Variants in MAN1B1 observed in about 807,000 individuals in gnomAD.
MAN1B1 encodes the protein mannosidase alpha class 1B member 1.
A neutral mutation model predicts 75.5 loss-of-function variants in MAN1B1; 66 were observed. The ratio of observed to expected loss-of-function variants is 0.87; its 90% CI spans 0.72 to 1.07. The LOEUF (loss-of-function observed/expected upper bound fraction) is 1.07. Among genes scored for constraint, MAN1B1 ranks in the 50% least tolerant of loss-of-function variants. The pLI is 0.00. For synonymous variants in MAN1B1, 453 were observed against 382.8 expected (o/e 1.18, Z -2.14); for missense variants, 973 against 912.5 (o/e 1.07, Z -0.85).
chr9:137,106,830 T>G (rs1176924303), intron 10 of MAN1B1, 21 bp downstream of exon 10: 5 of 1,611,248 alleles, frequency 3.1e-6, no homozygotes, highest in Non-Finnish European at 4.2e-6. Flanking sequence ...CTGCGGGGCC[T>G]TCCGGCCGCC....
Position 137,087,174 on chromosome 9 carries a change from A to AGCT in MAN1B1, c.175_176insGCT (p.Asn59delinsSerTyr). The stretch of plus-strand genomic sequence containing the variant: ...CTCGGTGACGCTGAGCTTTGGCGAG[A>AGCT]ACTATGACAACAGCAAGAGTTGGCG... On this transcript the variant is annotated protein_altering_variant, in exon 1 of 13. Coordinates refer to ENST00000371589, the MANE Select transcript of MAN1B1 (RefSeq NM_016219.5). 6.3e-7 allele frequency: 1 copy of AGCT among 1,594,682 alleles called. No individual in the cohort carries two copies. The highest frequency in any genetic ancestry group is 8.5e-7 in the Non-Finnish European group (1 of 1,171,544).
chr9:137,104,185 C>T (rs1230277122), intron 8 of MAN1B1: 12 of 413,430 alleles, frequency 2.9e-5, no homozygotes, highest in East Asian at 7.1e-5. Flanking sequence ...CTTCCTGGAC[C>T]TCATTGTGTG....
Position 137,106,740 on chromosome 9 carries a change from G to C in MAN1B1, c.1497G>C (p.Leu499=), listed in dbSNP as rs1831123655. The C allele has an allele frequency of 1.9e-6, 3 of 1,613,532 alleles. No homozygotes were observed. The East Asian group carries it at 6.7e-5, about 36-fold the overall frequency. ...EAIEGVRTHL[L]RHSEPSKLTF... ...TCGAGGGTGTCAGAACGCACCTGCT[G>C]CGGCACTCCGAGCCCAGTAAGCTCA... Residue 499 remains leucine (L), a synonymous_variant, in exon 10 of 13, where the codon CTG becomes CTC. Coordinates refer to ENST00000371589, the MANE Select transcript of MAN1B1 (RefSeq NM_016219.5).
chr9:137,101,432 C>T (rs987426279), intron 7 of MAN1B1, 52 bp from the exon 8 acceptor site: 16 of 1,472,980 alleles, frequency 1.1e-5, no homozygotes, highest in African/African-American at 3.0e-5. Context: ...AGGGTGTAGA[C>T]GAGGCCTCTG....
At chr9:137,090,951 G>C (rs906334007) in intron 3 of MAN1B1, among the ~76,000 whole-genome samples, 27 of 152,196 alleles carry the variant, frequency 1.8e-4, no homozygotes, top group Admixed American at 6.5e-5. Flanking sequence ...TCCTTTCAAA[G>C]GCAGCATTCC....
At chr9:137,091,863 G>C (rs1361488776) in intron 3 of MAN1B1, among the ~76,000 whole-genome samples, 1 of 152,050 alleles carries the variant, frequency 6.6e-6, no homozygotes, top group Non-Finnish European at 1.5e-5. Context: ...TCACTATGTT[G>C]CCCAGACTGG....
At chr9:137,091,523 T>TA (rs1830514447) in intron 3 of MAN1B1, among the ~76,000 whole-genome samples, 5 of 57,200 alleles carry the variant, frequency 8.7e-5, no homozygotes, top group Admixed American at 8.3e-4. Flanking sequence ...TGTTTTATAT[T>TA]TTTTTTTTTT....
chr9:137,100,358 C>T (rs975580008), intron 6 of MAN1B1, among the ~76,000 whole-genome samples: 23 of 152,148 alleles, frequency 1.5e-4, no homozygotes, highest in African/African-American at 5.1e-4. Flanking sequence ...TTTTTTGGGT[C>T]GTAGCCTTTG....
intron 8 of MAN1B1, 191 bp from the exon 9 acceptor site, chr9:137,105,934 C>T (rs1564311289): frequency 1.4e-6 from 1 of 697,582 alleles, no homozygotes; most frequent in Non-Finnish European, 2.6e-6. Flanking sequence ...GCACTGGTGG[C>T]TGTGTGGCTG....
chr9:137,107,789 C>CACCCCGAG, intron 12 of MAN1B1, 127 bp downstream of exon 12: 1 of 1,423,246 alleles, frequency 7.0e-7, no homozygotes, highest in South Asian at 1.2e-5. Context: ...GCGGGCTTGC[C>CACCCCGAG]GCAGCCTCGG....
chr9:137,101,112 G>A lies in MAN1B1; in HGVS notation c.1024G>A (p.Ala342Thr). 2 of 1,614,144 alleles carry A rather than the reference G, an allele frequency of 1.2e-6. No individual in the cohort carries two copies. Among genetic ancestry groups the A allele is most frequent in the Admixed American group, 1.7e-5 (1 of 60,028 alleles). ...TIRILGGLLS[A>T]YHLSGDSLFL... ...CCGCATCCTGGGGGGGCTCCTGAGT[G>A]CCTACCACCTGTCTGGGGACAGCCT... is the stretch of plus-strand genomic sequence containing the variant. Residue 342 changes from alanine (A) to threonine (T), a missense_variant, in exon 7 of 13, where the codon GCC (alanine) becomes ACC (threonine). Transcript: ENST00000371589.
Position 137,096,361 on chromosome 9 carries a change from C to T in MAN1B1, c.590C>T (p.Pro197Leu), listed in dbSNP as rs61744585. 0.019 allele frequency: 31,415 copies of T among 1,613,756 alleles called. 1,145 individuals carry two copies. Among genetic ancestry groups the T allele is most frequent in the Admixed American group, 0.16 (9,502 of 59,960 alleles). Reference protein sequence around the residue: ...KRQEAPVDPRPEGDPQRTVIS... With the variant: ...KRQEAPVDPRLEGDPQRTVIS... The stretch of plus-strand genomic sequence containing the variant: ...CAAGAAGCCCCTGTGGATCCCCGCC[C>T]GGAAGGAGATCCGCAGAGGACAGTC... The change falls in exon 4 of 13, where the codon CCG (proline) becomes CTG (leucine). Residue 197 changes from proline (P) to leucine (L), a missense_variant. Physicochemically the swap from Pro to Leu is moderately conservative, Grantham distance 98 (BLOSUM62 -3). Transcript: ENST00000371589.
At chr9:137,104,528 C>T (rs745371263) in intron 8 of MAN1B1, 2 of 183,060 alleles carry the variant, frequency 1.1e-5, no homozygotes, top group East Asian at 2.6e-4. Context: ...CTACCACACC[C>T]GGCTGATTTA....
At chr9:137,087,888 C>T (rs1353880062) in intron 1 of MAN1B1, among the ~76,000 whole-genome samples, 187 bp from the exon 2 acceptor site, 3 of 152,116 alleles carry the variant, frequency 2.0e-5, no homozygotes, top group Admixed American at 2.0e-4. Flanking sequence ...TGGCTCATCC[C>T]GCGTTCCACC....
At chr9:137,092,354 T>G (rs1830538772) in intron 3 of MAN1B1, among the ~76,000 whole-genome samples, 1 of 150,864 alleles carries the variant, frequency 6.6e-6, no homozygotes, top group South Asian at 2.1e-4. Context: ...AAAATAATAA[T>G]AATAATTTTA....
Position 137,101,096 on chromosome 9 carries a change from G to C in MAN1B1, c.1008G>C (p.Leu336=), listed in dbSNP as rs749675839. 3 of 1,613,810 alleles carry C rather than the reference G, an allele frequency of 1.9e-6. No homozygotes were observed. The highest frequency in any genetic ancestry group is 1.7e-5 in the Admixed American group (1 of 59,998). ...VNLFESTIRI[L]GGLLSAYHLS... is the part of the protein sequence containing the mutation. ...TGTTTGAGAGCACGATCCGCATCCTGGGGGGGCTCCTGAGTGCCTACCACC... is the reference window on the plus strand; with the variant it reads ...TGTTTGAGAGCACGATCCGCATCCTCGGGGGGCTCCTGAGTGCCTACCACC... Residue 336 remains leucine (L), a synonymous_variant, in exon 7 of 13, where the codon CTG becomes CTC. Transcript: ENST00000371589.
chr9:137,108,084 C>G, intron 12 of MAN1B1: 1 of 605,274 alleles, frequency 1.7e-6, no homozygotes, highest in South Asian at 2.0e-5. Flanking sequence ...CTGAGGCCCC[C>G]GCTGCCTCCG....
intron 3 of MAN1B1, among the ~76,000 whole-genome samples, chr9:137,093,766 G>A (rs1278951221): frequency 6.6e-6 from 1 of 151,814 alleles, no homozygotes; most frequent in African/African-American, 2.4e-5. Context: ...CCTGGGAGGC[G>A]GAGGTTGCAG....
At chr9:137,087,984 A>G (rs1418007613) in intron 1 of MAN1B1, 91 bp from the exon 2 acceptor site, 1 of 1,038,092 alleles carries the variant, frequency 9.6e-7, no homozygotes, top group Non-Finnish European at 1.5e-6. Flanking sequence ...ATCTTCCAGA[A>G]GAATTCCTTA....
Sources: allele counts gnomAD v4.1 joint callset (sites outside exome capture counted in the v4.1 genomes callset), GRCh38; gene constraint gnomAD v4.1.1; transcripts MANE v1.5; gene names NCBI Gene and HGNC (gene_info 2026-07-23, HGNC 2026-07-21).